HK1: variants seen among roughly 807,000 people sequenced by gnomAD.
HK1 encodes hexokinase-1.
In HK1, 28 loss-of-function variants were observed where a neutral mutation model predicts 91.6. The observed-to-expected ratio is 0.31, with a 90% confidence interval of 0.23 to 0.42. HK1 has a LOEUF of 0.42. Among genes scored for constraint, HK1 ranks in the 10% least tolerant of loss-of-function variants. The pLI is 1.00. For missense variants in HK1, 770 were observed against 1,219.8 expected (o/e 0.63, Z 5.49); for synonymous variants, 430 against 468.1 (o/e 0.92, Z 1.05).
chr10:69,311,650 T>C (rs542570413), upstream of HK1, among the ~76,000 whole-genome samples: 1 of 152,312 alleles, frequency 6.6e-6, no homozygotes, highest in East Asian at 1.9e-4. Flanking sequence ...TTTCTTTTTT[T>C]TTCTGAGACG....
chr10:69,335,242 G>A (rs544759880), intron 1 of HK1, among the ~76,000 whole-genome samples: 2 of 152,324 alleles, frequency 1.3e-5, no homozygotes, highest in East Asian at 3.9e-4. Flanking sequence ...GCTGCTGGGC[G>A]GGCACAGACC....
At chr10:69,278,420 T>C (rs933914813) in intron 1 of HK1, 6 of 152,248 alleles carry the variant, frequency 3.9e-5, no homozygotes, top group Admixed American at 3.3e-4. Context: ...GAAAGTACTA[T>C]GGATCAAATT....
At chr10:69,271,426 A>G (rs1287959227) in intron 1 of HK1, among the ~76,000 whole-genome samples, 1 of 152,084 alleles carries the variant, frequency 6.6e-6, no homozygotes, top group Non-Finnish European at 1.5e-5. Context: ...TTATTAATGC[A>G]TTATTCAGCA....
intron 14 of HK1, 56 bp from the exon 15 acceptor site, chr10:69,392,069 T>C: frequency 6.3e-7 from 1 of 1,598,688 alleles, no homozygotes; most frequent in Non-Finnish European, 8.6e-7. Context: ...CAGGCCCAGT[T>C]GCAAGACCCC....
intron 1 of HK1, among the ~76,000 whole-genome samples, chr10:69,340,393 G>A (rs889628036): frequency 6.6e-6 from 1 of 152,116 alleles, no homozygotes; most frequent in Non-Finnish European, 1.5e-5. Context: ...GGGATTACAG[G>A]CATGCACCAC....
rs74884176 is a variant in HK1 at position 69,358,331 on chromosome 10, G to A, written c.227-1566G>A. Among the ~76,000 whole-genome samples the A allele has an allele frequency of 6.9e-3, 1,044 of 152,328 alleles. 12 individuals are homozygous for A. Among genetic ancestry groups the A allele is most frequent in the African/African-American group, 0.024 (991 of 41,562 alleles). ...CCATGGCCGCCTGCCTTTGCTGTCC[G>A]ATGGTCTCAGCCTACAGTCCTGCTC... On this transcript the variant is annotated intron_variant, in intron 2 of 17. Transcript: ENST00000359426.
chr10:69,306,782 C>A (rs12243670), intron 5 of HK1, among the ~76,000 whole-genome samples: 3,289 of 152,278 alleles, frequency 0.022, 118 homozygotes, highest in African/African-American at 0.075. Flanking sequence ...TCCTCATGAG[C>A]AAATTGTGAG....
At chr10:69,351,169 C>T (rs7476246) in intron 2 of HK1, among the ~76,000 whole-genome samples, 10,785 of 145,798 alleles carry the variant, frequency 0.074, 685 homozygotes, top group African/African-American at 0.17. Context: ...AGCGAGACTC[C>T]GTCTCAAAAT....
chr10:69,275,294 G>A (rs1171580744), intron 1 of HK1, among the ~76,000 whole-genome samples: 2 of 151,404 alleles, frequency 1.3e-5, no homozygotes, highest in East Asian at 3.9e-4. Context: ...GCCAAGGTGG[G>A]AGGATAGCTT....
chr10:69,378,590 G>A (rs1411380125), intron 8 of HK1, among the ~76,000 whole-genome samples: 1 of 152,152 alleles, frequency 6.6e-6, no homozygotes, highest in African/African-American at 2.4e-5. Flanking sequence ...GACGGGAGAG[G>A]TTAAAAAGAT....
chr10:69,396,653 T>C, intron 16 of HK1, among the ~76,000 whole-genome samples: 1 of 152,180 alleles, frequency 6.6e-6, no homozygotes, highest in East Asian at 1.9e-4. Context: ...TTCATCCGTA[T>C]TGTGGCATGT....
chr10:69,284,033 TC>T (rs1214366014), intron 2 of HK1, among the ~76,000 whole-genome samples: 1 of 152,178 alleles, frequency 6.6e-6, no homozygotes, highest in Non-Finnish European at 1.5e-5. Flanking sequence ...TATGATTTTT[TC>T]TTTTAAGGCA....
intron 3 of HK1, among the ~76,000 whole-genome samples, chr10:69,364,554 G>A (rs1402585621): frequency 6.6e-6 from 1 of 152,050 alleles, no homozygotes; most frequent in African/African-American, 2.4e-5. Flanking sequence ...GCTTTGAATT[G>A]CTTCTTAAGA....
At chr10:69,384,626 C>T in intron 11 of HK1, 145 bp downstream of exon 11, 1 of 1,414,136 alleles carries the variant, frequency 7.1e-7, no homozygotes, top group East Asian at 2.3e-5. Flanking sequence ...TTTGCCATGC[C>T]TGGCTTGTGA....
At chr10:69,307,976 C>G (rs1262339799) in intron 5 of HK1, among the ~76,000 whole-genome samples, 1 of 151,952 alleles carries the variant, frequency 6.6e-6, no homozygotes, top group Non-Finnish European at 1.5e-5. Flanking sequence ...GTAGCAGGGA[C>G]TATAGGTGCA....
chr10:69,286,372 C>T (rs535782445), intron 2 of HK1, among the ~76,000 whole-genome samples: 1 of 152,116 alleles, frequency 6.6e-6, no homozygotes, highest in African/African-American at 2.4e-5. Context: ...GTAGTTTGAG[C>T]CTGTAGTCCC....
intron 1 of HK1, among the ~76,000 whole-genome samples, chr10:69,333,194 C>T (rs1469033478): frequency 6.6e-6 from 1 of 152,234 alleles, no homozygotes; most frequent in Non-Finnish European, 1.5e-5. Flanking sequence ...TGGCCGAGGC[C>T]TGAGGTCTTT....
intron 2 of HK1, among the ~76,000 whole-genome samples, chr10:69,351,913 T>G (rs1172997305): frequency 6.6e-6 from 1 of 152,184 alleles, no homozygotes; most frequent in East Asian, 1.9e-4. Context: ...TGATGGATGG[T>G]CAAATAAAAT....
upstream of HK1, among the ~76,000 whole-genome samples, chr10:69,316,698 G>A (rs1846664268): frequency 6.6e-6 from 1 of 152,244 alleles, no homozygotes; most frequent in Non-Finnish European, 1.5e-5. Context: ...TTGTAACAAC[G>A]GGTTGGGCAT....
Sources: gnomAD v4.1 joint callset for allele counts (sites outside exome capture counted in the v4.1 genomes callset) on GRCh38, gnomAD v4.1.1 for gene constraint, MANE v1.5 for transcripts, NCBI Gene and HGNC (gene_info 2026-07-23, HGNC 2026-07-21) for gene names.